GFI1B: variants seen among roughly 807,000 people sequenced by gnomAD.
GFI1B encodes growth factor independent 1B transcriptional repressor, also known as zinc finger protein Gfi-1b.
GFI1B carries 20 observed loss-of-function variants against 35.3 expected under a neutral mutation model. The observed-to-expected ratio is 0.57, with a 90% confidence interval of 0.40 to 0.82. The LOEUF is 0.82. Ranked by LOEUF, GFI1B falls within the 40% of genes least tolerant of loss-of-function variation. GFI1B has a pLI of 0.00. For missense variants in GFI1B, 430 were observed against 446.3 expected (o/e 0.96, Z 0.33); for synonymous variants, 178 against 177.6 (o/e 1.00, Z -0.02).
intron 1 of GFI1B, among the ~76,000 whole-genome samples, chr9:132,950,425 C>T (rs933716655): frequency 1.3e-5 from 2 of 152,002 alleles, no homozygotes; most frequent in South Asian, 2.1e-4. Flanking sequence ...GGCCTGTCTC[C>T]CAAGTTCTCA....
intron 1 of GFI1B, chr9:132,951,792 C>T (rs1484124844): frequency 6.6e-6 from 1 of 152,152 alleles, no homozygotes; most frequent in Non-Finnish European, 1.5e-5. Context: ...ATTTTTGAGA[C>T]AGTGTCTCAC....
chr9:132,979,433 T>C (rs1183418339), intron 1 of GFI1B, among the ~76,000 whole-genome samples: 1 of 151,974 alleles, frequency 6.6e-6, no homozygotes, highest in Non-Finnish European at 1.5e-5. Flanking sequence ...AGAGACGGGT[T>C]TCACCATGTT....
intron 1 of GFI1B, among the ~76,000 whole-genome samples, chr9:132,949,339 AC>A: frequency 6.6e-6 from 1 of 151,476 alleles, no homozygotes; most frequent in East Asian, 1.9e-4. Flanking sequence ...ACACACACAC[AC>A]ATACACACAC....
chr9:132,958,375 C>G (rs570002889), intron 1 of GFI1B, among the ~76,000 whole-genome samples: 1 of 152,250 alleles, frequency 6.6e-6, no homozygotes, highest in South Asian at 2.1e-4. Context: ...TGTACAAGAA[C>G]CATAGCGGCA....
Position 132,954,723 on chromosome 9 carries a change from AT to A in GFI1B, c.-701+9067del, listed in dbSNP as rs543352177. 7.4e-3 allele frequency among the ~76,000 whole-genome samples: 1,074 copies of A among 145,042 alleles called. 7 individuals carry two copies. Among genetic ancestry groups the A allele is most frequent in the African/African-American group, 0.023 (908 of 39,904 alleles). On this transcript the variant is annotated intron_variant, in intron 1 of 10. Coordinates refer to the GFI1B transcript ENST00000339463. ...AGGTGTGAGCAACCACATCTGGCCA[AT>A]TTTTTTTTTTTTGAGATGGAGTCTC... is the stretch of plus-strand genomic sequence containing the variant.
intron 1 of GFI1B, among the ~76,000 whole-genome samples, chr9:132,983,222 G>A (rs1848895069): frequency 7.8e-6 from 1 of 127,612 alleles, no homozygotes; most frequent in African/African-American, 3.0e-5. Flanking sequence ...GAGACAGAGT[G>A]TGGCTCTGTC....
intron 1 of GFI1B, among the ~76,000 whole-genome samples, chr9:132,947,493 C>T (rs970110568): frequency 1.3e-5 from 2 of 151,534 alleles, no homozygotes; most frequent in African/African-American, 4.8e-5. Context: ...GAGAGACTCC[C>T]GGGGTCAGAA....
chr9:132,974,601 CA>C (rs11243966), upstream of GFI1B, among the ~76,000 whole-genome samples: 23,068 of 78,622 alleles, frequency 0.29, 805 homozygotes, highest in Admixed American at 0.35. Flanking sequence ...GAATCCGTCT[CA>C]AAAAAAAAAA....
At chr9:132,948,707 G>A (rs377282997) in intron 1 of GFI1B, among the ~76,000 whole-genome samples, 6 of 152,352 alleles carry the variant, frequency 3.9e-5, no homozygotes, top group East Asian at 1.9e-4. Flanking sequence ...CCTCTCTAGC[G>A]CATCAGTTTC....
At chr9:132,986,523 T>G (rs1849066526) in intron 1 of GFI1B, 136 bp from the exon 2 acceptor site, 1 of 686,764 alleles carries the variant, frequency 1.5e-6, no homozygotes, top group Admixed American at 2.0e-5. Flanking sequence ...ATTCACAGGT[T>G]CTGGGTGGAC....
At chr9:132,984,000 G>A (rs1426667289) in intron 1 of GFI1B, among the ~76,000 whole-genome samples, 1 of 152,254 alleles carries the variant, frequency 6.6e-6, no homozygotes, top group African/African-American at 2.4e-5. Context: ...AGAATTAAAG[G>A]TGTAATAAAC....
At chr9:132,976,030 G>T (rs548566515), upstream of GFI1B, among the ~76,000 whole-genome samples, 54 of 152,296 alleles carry the variant, frequency 3.5e-4, no homozygotes, top group Non-Finnish European at 5.6e-4. Context: ...CTGGGTCCCT[G>T]GTCTGGGTCT....
intron 1 of GFI1B, among the ~76,000 whole-genome samples, chr9:132,972,142 C>T (rs1479377802): frequency 6.6e-6 from 1 of 151,806 alleles, no homozygotes; most frequent in East Asian, 1.9e-4. Flanking sequence ...AGCCAGGTGG[C>T]CAGGAGTAGT....
At chr9:132,966,011 A>T (rs926133814) in intron 1 of GFI1B, among the ~76,000 whole-genome samples, 3 of 152,250 alleles carry the variant, frequency 2.0e-5, no homozygotes, top group Non-Finnish European at 2.9e-5. Flanking sequence ...TTAAATTATT[A>T]AAAAAATCCA....
Position 132,991,064 on chromosome 9 carries a change from C to T in GFI1B, c.*14C>T, listed in dbSNP as rs1344713461. On this transcript the variant is annotated 3_prime_UTR_variant, in exon 7 of 7. Coordinates refer to ENST00000372122, the MANE Select transcript of GFI1B (RefSeq NM_001377304.1). ...AATCTCAAGTGAGGCTGCGCCGGCTCCCAGCTCCTGGCCAGCCTGCCCTGC... is the reference window on the plus strand; with the variant it reads ...AATCTCAAGTGAGGCTGCGCCGGCTTCCAGCTCCTGGCCAGCCTGCCCTGC... 1 of 1,611,030 alleles carries T rather than the reference C, an allele frequency of 6.2e-7. No homozygotes were observed. Among genetic ancestry groups the T allele is most frequent in the Admixed American group, 1.7e-5 (1 of 60,014 alleles).
At chr9:132,987,676 G>A (rs895494678) in intron 3 of GFI1B, among the ~76,000 whole-genome samples, 1 of 152,140 alleles carries the variant, frequency 6.6e-6, no homozygotes, top group African/African-American at 2.4e-5. Flanking sequence ...GCACTGTGGA[G>A]TGAGGCTGGG....
intron 1 of GFI1B, among the ~76,000 whole-genome samples, chr9:132,983,712 C>T (rs1352472412): frequency 3.9e-5 from 6 of 152,210 alleles, no homozygotes; most frequent in African/African-American, 7.2e-5. Context: ...CACGGGCACA[C>T]GAGGGAGCTT....
At chr9:132,990,807 G>A in intron 6 of GFI1B, 65 bp from the exon 7 acceptor site, 2 of 1,477,834 alleles carry the variant, frequency 1.4e-6, no homozygotes, top group Non-Finnish European at 9.4e-7. Context: ...CAGGGCAGGG[G>A]AGCAGCAGGC....
At chr9:132,951,862 G>C (rs1247863141) in intron 1 of GFI1B, 1 of 152,212 alleles carries the variant, frequency 6.6e-6, no homozygotes. Context: ...GGAACACCTA[G>C]GTTCAAGCCA....
Sources: gnomAD v4.1 joint callset for allele counts (sites outside exome capture counted in the v4.1 genomes callset) on GRCh38, gnomAD v4.1.1 for gene constraint, MANE v1.5 for transcripts, NCBI Gene and HGNC (gene_info 2026-07-23, HGNC 2026-07-21) for gene names.